MICAL2: variants seen among roughly 807,000 people sequenced by gnomAD.
The protein encoded by MICAL2 is [F-actin]-monooxygenase MICAL2.
In MICAL2, 77 loss-of-function variants were observed where a neutral mutation model predicts 127.3. That is an observed-to-expected ratio of 0.60 (90% CI 0.50 to 0.73). MICAL2 has a LOEUF of 0.73. Ranked by LOEUF, MICAL2 falls within the 30% of genes least tolerant of loss-of-function variation. The probability of loss-of-function intolerance (pLI) is 0.00; values close to 1 mark genes in which losing one functional copy is unlikely to be tolerated. For synonymous variants in MICAL2, 570 were observed against 551.1 expected, an observed-to-expected ratio of 1.03 and a Z score of -0.48; for missense variants, 1,351 against 1,434.4, an observed-to-expected ratio of 0.94 and a Z score of 0.94.
At chr11:12,319,892 C>G (rs910313928) in intron 30 of MICAL2, 1 of 1,010,144 alleles carries the variant, frequency 9.9e-7, no homozygotes, top group African/African-American at 1.6e-5. Context: ...AATGTGGGCT[C>G]CAGCTGCAGT....
intron 32 of MICAL2, among the ~76,000 whole-genome samples, chr11:12,339,774 C>A (rs567141698): frequency 6.6e-6 from 1 of 152,248 alleles, no homozygotes; most frequent in South Asian, 2.1e-4. Flanking sequence ...ATTGGTGAAC[C>A]GCAAATGCTG....
At chr11:12,152,297 C>CAAAAAAAAAAAA (rs540812572) in intron 2 of MICAL2, among the ~76,000 whole-genome samples, 7 of 38,392 alleles carry the variant, frequency 1.8e-4, no homozygotes, top group African/African-American at 5.8e-4. Context: ...GACTCTGTCT[C>CAAAAAAAAAAAA]AAAAAAAAAA....
chr11:12,289,122 C>T (rs1456410446), downstream of MICAL2, among the ~76,000 whole-genome samples: 6 of 152,216 alleles, frequency 3.9e-5, no homozygotes, highest in Non-Finnish European at 8.8e-5. Context: ...CTAGGATCTA[C>T]GAGAAAGGTT....
intron 19 of MICAL2, 40 bp downstream of exon 19, chr11:12,242,472 G>T: frequency 1.3e-6 from 2 of 1,568,470 alleles, no homozygotes; most frequent in African/African-American, 2.7e-5. Flanking sequence ...TCCGTGTCTG[G>T]GTGACTTCCT....
In MICAL2 at chr11:12,181,699, C is replaced by G. The variant is rs138281231; in HGVS notation, c.264+19280C>G. Among the ~76,000 whole-genome samples the G allele has an allele frequency of 9.9e-5, 15 of 152,202 alleles. No homozygotes were observed. The East Asian group carries it at 2.9e-3, about 29-fold the overall frequency. ...CTTTAAAGAAAAGCTGTCAGTAGGACATGAGTTAGCTTAACAGGGGCCTGC... is the reference window on the plus strand; with the variant it reads ...CTTTAAAGAAAAGCTGTCAGTAGGAGATGAGTTAGCTTAACAGGGGCCTGC... On this transcript the variant is annotated intron_variant, in intron 3 of 27. Coordinates refer to ENST00000683283, the MANE Select transcript of MICAL2 (RefSeq NM_001282663.2).
In MICAL2 at chr11:12,162,409, C is replaced by T. The variant is rs1477727838; in HGVS notation, c.254C>T (p.Thr85Met). The T allele has an allele frequency of 5.6e-6, 9 of 1,614,066 alleles. No individual in the cohort carries two copies. The highest frequency in any genetic ancestry group is 4.5e-5 in the East Asian group (2 of 44,902). The stretch of plus-strand genomic sequence containing the variant: ...GAGTATAAGCGAGGGAAGTCGTGCA[C>T]GAACACCAAGGTAAGGGGAAACCCT... ...HKEYKRGKSC[T>M]NTKCLIVGGG... is the part of the protein sequence containing the mutation. The change falls in exon 3 of 28, where the codon ACG becomes ATG. Residue 85 changes from threonine (T) to methionine (M), a missense_variant. Around this residue, in one of 2 missense-constraint regions of MICAL2, gnomAD observed 599 missense variants for 714.9 expected, o/e 0.84. Coordinates refer to ENST00000683283, the MANE Select transcript of MICAL2 (RefSeq NM_001282663.2).
intron 21 of MICAL2, among the ~76,000 whole-genome samples, chr11:12,248,547 G>C (rs1861082730): frequency 6.6e-6 from 1 of 152,256 alleles, no homozygotes; most frequent in Admixed American, 6.5e-5. Context: ...GCAAGTGGGA[G>C]GGGTGGGGGC....
At chr11:12,186,147 G>A (rs112429320) in intron 3 of MICAL2, among the ~76,000 whole-genome samples, 1 of 152,270 alleles carries the variant, frequency 6.6e-6, no homozygotes, top group African/African-American at 2.4e-5. Context: ...CTTGTGGGAA[G>A]TGGCTGAGAG....
At chr11:12,274,862 C>A (rs2706646), upstream of MICAL2, among the ~76,000 whole-genome samples, 53,407 of 151,772 alleles carry the variant, frequency 0.35, 9,797 homozygotes, top group African/African-American at 0.45. Context: ...CATGATCTCA[C>A]TCAGGTTTTA....
downstream of MICAL2, among the ~76,000 whole-genome samples, chr11:12,264,305 C>G (rs928227155): frequency 6.6e-6 from 1 of 152,200 alleles, no homozygotes; most frequent in African/African-American, 2.4e-5. Flanking sequence ...GCAGTGTGCT[C>G]ATCAGATGGA....
At chr11:12,305,983 T>C (rs1054050845) in intron 29 of MICAL2, among the ~76,000 whole-genome samples, 1 of 152,226 alleles carries the variant, frequency 6.6e-6, no homozygotes, top group Non-Finnish European at 1.5e-5. Context: ...GTCAGATTTT[T>C]AAAAATTATT....
chr11:12,125,505 C>T (rs983816035), intron 1 of MICAL2, among the ~76,000 whole-genome samples: 4 of 152,286 alleles, frequency 2.6e-5, no homozygotes, highest in South Asian at 2.1e-4. Flanking sequence ...CTGCCCGCCT[C>T]GGCCTCTCAA....
chr11:12,295,782 G>C (rs900944831), downstream of MICAL2, among the ~76,000 whole-genome samples: 1 of 152,040 alleles, frequency 6.6e-6, no homozygotes, highest in South Asian at 2.1e-4. Context: ...TGATTTAATT[G>C]AATATCCTGT....
rs181528777 is a variant in MICAL2, at chr11:12,245,248, G to A, written c.2784+1136G>A. ...CTCCACCCACCAACTGTGCTTCTCT[G>A]TTCACAGCCAGTGCGTCTGGCTCCC... On this transcript the variant is annotated intron_variant, in intron 21 of 27. Transcript: ENST00000683283. Among the ~76,000 whole-genome samples the A allele has an allele frequency of 2.8e-4, 42 of 152,322 alleles. No homozygotes were observed. The East Asian group carries it at 6.6e-3, about 24-fold the overall frequency.
intron 1 of MICAL2, among the ~76,000 whole-genome samples, chr11:12,113,151 A>C (rs1039498926): frequency 1.3e-5 from 2 of 152,218 alleles, no homozygotes; most frequent in Non-Finnish European, 2.9e-5. Context: ...ACTGTTCATC[A>C]TGCTGAGATG....
chr11:12,193,351 T>C (rs1186424038), intron 3 of MICAL2, among the ~76,000 whole-genome samples: 6 of 152,196 alleles, frequency 3.9e-5, no homozygotes, highest in Admixed American at 3.3e-4. Flanking sequence ...AGATAAGTAA[T>C]CTCTCCCTTG....
At chr11:12,175,037 C>T (rs7940671) in intron 3 of MICAL2, among the ~76,000 whole-genome samples, 1,720 of 152,066 alleles carry the variant, frequency 0.011, 37 homozygotes, top group African/African-American at 0.038. Context: ...ATGGGAGGAT[C>T]GCTTGAGCCT....
chr11:12,140,499 T>G lies in MICAL2; in HGVS notation c.-78+2039T>G, dbSNP rs1014532778. 3.5e-4 allele frequency among the ~76,000 whole-genome samples: 37 copies of G among 106,940 alleles called. 1 individual carries two copies. Among genetic ancestry groups the G allele is most frequent in the Admixed American group, 1.9e-3 (23 of 12,250 alleles). 70.2% of individuals were successfully genotyped at this position (106,940 alleles called of 152,430 possible). On this transcript the variant is annotated intron_variant, in intron 2 of 27. Transcript: ENST00000683283. ...TTGTGGAATGAGTGAACTTTGGCTC[T>G]TTTTTTTTTTTTTTTTGGCCACTCT... is the stretch of plus-strand genomic sequence containing the variant.
Position 12,224,775 on chromosome 11 carries a change from G to T in MICAL2, c.1643G>T (p.Gly548Val). 1 of 1,614,142 alleles carries T rather than the reference G, an allele frequency of 6.2e-7. No homozygotes were observed. Among genetic ancestry groups the T allele is most frequent in the Non-Finnish European group, 8.5e-7 (1 of 1,179,982 alleles). ...GACCTGACCACATCCTGGCGCAGTG[G>T]GTTGGCCCTGTGTGCCATCATCCAC... ...VTDLTTSWRSGLALCAIIHRF... is the reference protein window; with the variant it reads ...VTDLTTSWRSVLALCAIIHRF... Residue 548 changes from glycine (G) to valine (V), a missense_variant, in exon 13 of 28, where the codon GGG becomes GTG. By Grantham distance (109) the Gly-to-Val change is moderately radical. Around this residue, in one of 2 missense-constraint regions of MICAL2, gnomAD observed 599 missense variants for 714.9 expected, o/e 0.84. Coordinates refer to ENST00000683283, the MANE Select transcript of MICAL2 (RefSeq NM_001282663.2).
Sources: gnomAD v4.1 joint callset for allele counts (sites outside exome capture counted in the v4.1 genomes callset) on GRCh38, gnomAD v4.1.1 for gene constraint, gnomAD v4.1.1 regional missense constraint, MANE v1.5 for transcripts, NCBI Gene and HGNC (gene_info 2026-07-23, HGNC 2026-07-21) for gene names.